Variants in CSNK2A2IP observed in about 807,000 individuals in gnomAD.
CSNK2A2IP encodes the protein casein kinase II subunit alpha'-interacting protein.
the CSNK2A2IP span, among the ~76,000 whole-genome samples, chr3:88,453,648 C>G: frequency 2.6e-5 from 4 of 151,800 alleles, no homozygotes; most frequent in Admixed American, 2.0e-4. Flanking sequence ...CTCATTGTAC[C>G]CTGTACTGTT....
At chr3:88,465,737 C>T in the CSNK2A2IP span, 39 of 1,231,556 alleles carry the variant, frequency 3.2e-5, no homozygotes, top group Middle Eastern at 6.2e-4. Flanking sequence ...CACTCCAAAG[C>T]TCAAACAACG....
the CSNK2A2IP span, among the ~76,000 whole-genome samples, chr3:88,365,991 G>A: frequency 6.6e-6 from 1 of 152,096 alleles, no homozygotes; most frequent in East Asian, 1.9e-4. Flanking sequence ...AAAAGGTGGT[G>A]CCAATTTCAG....
At chr3:88,439,681 G>T in the CSNK2A2IP span, among the ~76,000 whole-genome samples, 1 of 148,714 alleles carries the variant, frequency 6.7e-6, no homozygotes, top group Non-Finnish European at 1.5e-5. Flanking sequence ...GTCGGAGGTT[G>T]CAGTGAGCCG....
chr3:88,465,245 C>A, the CSNK2A2IP span: 1 of 537,254 alleles, frequency 1.9e-6, no homozygotes, highest in Non-Finnish European at 2.8e-6. Context: ...TAAAAGCTAG[C>A]AACTGTTATG....
the CSNK2A2IP span, among the ~76,000 whole-genome samples, chr3:88,439,974 C>G: frequency 6.6e-6 from 1 of 152,094 alleles, no homozygotes; most frequent in African/African-American, 2.4e-5. Context: ...TAAACCAGGA[C>G]AATCCTGGTA....
At chr3:88,350,503 C>A in the CSNK2A2IP span, among the ~76,000 whole-genome samples, 48 of 148,894 alleles carry the variant, frequency 3.2e-4, 1 homozygote, top group Non-Finnish European at 6.5e-4. Flanking sequence ...ATGAGAGGGG[C>A]AAAAGAGAAA....
At chr3:88,372,728 G>A in the CSNK2A2IP span, among the ~76,000 whole-genome samples, 1 of 151,370 alleles carries the variant, frequency 6.6e-6, no homozygotes, top group Non-Finnish European at 1.5e-5. Context: ...TACGAGAGAT[G>A]TATTTTGTTT....
chr3:88,398,280 T>G, the CSNK2A2IP span, among the ~76,000 whole-genome samples: 1 of 152,154 alleles, frequency 6.6e-6, no homozygotes, highest in Non-Finnish European at 1.5e-5. Context: ...GCAGTGATTT[T>G]AATCAAGACT....
At chr3:88,451,314 G>T in the CSNK2A2IP span, among the ~76,000 whole-genome samples, 1 of 151,822 alleles carries the variant, frequency 6.6e-6, no homozygotes, top group Non-Finnish European at 1.5e-5. Context: ...GTTTTAATTT[G>T]CATTTTCTTG....
At chr3:88,411,350 C>CATCTATCT in the CSNK2A2IP span, among the ~76,000 whole-genome samples, 516 of 146,746 alleles carry the variant, frequency 3.5e-3, 3 homozygotes, top group African/African-American at 0.011. Context: ...CTCTATCTAT[C>CATCTATCT]ATCTATCTAT....
the CSNK2A2IP span, among the ~76,000 whole-genome samples, chr3:88,445,275 CAAAAAAAAAAA>C: frequency 2.1e-5 from 1 of 47,764 alleles, no homozygotes; most frequent in Non-Finnish European, 3.9e-5. Flanking sequence ...GTAAAAATAC[CAAAAAAAAAAA>C]AAAAAAAAAA....
the CSNK2A2IP span, among the ~76,000 whole-genome samples, chr3:88,383,658 T>C: frequency 2.1e-4 from 24 of 114,532 alleles, no homozygotes; most frequent in African/African-American, 6.5e-4. Context: ...TTTCTTTTTT[T>C]TTTTTTTTTT....
chr3:88,396,242 A>G, the CSNK2A2IP span, among the ~76,000 whole-genome samples: 1 of 150,928 alleles, frequency 6.6e-6, no homozygotes, highest in Non-Finnish European at 1.5e-5. Context: ...AGTAGCTGGG[A>G]CTACAGGCGC....
At chr3:88,350,796 G>A in the CSNK2A2IP span, among the ~76,000 whole-genome samples, 1 of 152,094 alleles carries the variant, frequency 6.6e-6, no homozygotes, top group African/African-American at 2.4e-5. Context: ...TATCCAGACA[G>A]CCCTTGTCAG....
the CSNK2A2IP span, among the ~76,000 whole-genome samples, chr3:88,370,976 G>T: frequency 9.2e-4 from 139 of 151,782 alleles, 1 homozygote; most frequent in Middle Eastern, 3.4e-3. Context: ...TGAAAGCCAG[G>T]AAGAGACACT....
the CSNK2A2IP span, among the ~76,000 whole-genome samples, chr3:88,379,075 C>CT: frequency 9.3e-5 from 14 of 151,310 alleles, no homozygotes; most frequent in South Asian, 2.1e-4. Flanking sequence ...CGAAAATCAT[C>CT]TTTTTTTTTG....
chr3:88,466,288 C>G, the CSNK2A2IP span: 1 of 1,231,676 alleles, frequency 8.1e-7, no homozygotes, highest in Non-Finnish European at 1.0e-6. Flanking sequence ...TTTTGTCCAC[C>G]CATCTGAGAA....
At chr3:88,346,824 T>C in the CSNK2A2IP span, among the ~76,000 whole-genome samples, 1 of 151,828 alleles carries the variant, frequency 6.6e-6, no homozygotes, top group Admixed American at 6.6e-5. Context: ...GATTAAGGAG[T>C]AATTTTATTT....
chr3:88,340,287 A>G, the CSNK2A2IP span, among the ~76,000 whole-genome samples: 1 of 151,994 alleles, frequency 6.6e-6, no homozygotes, highest in East Asian at 1.9e-4. Flanking sequence ...ATCTAGAGAA[A>G]GGAAACCTCC....
Sources: allele counts gnomAD v4.1 joint callset (sites outside exome capture counted in the v4.1 genomes callset), GRCh38; gene constraint gnomAD v4.1.1; transcripts MANE v1.5; gene names NCBI Gene and HGNC (gene_info 2026-07-23, HGNC 2026-07-21).